NALF1: variants seen among roughly 807,000 people sequenced by gnomAD.
NALF1 encodes the protein family with sequence similarity 155 member A.
Under a neutral mutation model 48.4 loss-of-function variants are expected in NALF1, and 3 were observed. The observed-to-expected ratio is 0.06, with a 90% CI of 0.03 to 0.16. The LOEUF (loss-of-function observed/expected upper bound fraction) is 0.16. Among genes scored for constraint, NALF1 ranks in the 10% least tolerant of loss-of-function variants. The pLI, the probability that NALF1 is intolerant of heterozygous loss-of-function variation, is 1.00. For missense variants in NALF1, 526 were observed against 571.5 expected (o/e 0.92, Z 0.81); for synonymous variants, 262 against 245.7 (o/e 1.07, Z -0.62).
chr13:107,574,152 G>A (rs1250538443), intron 1 of NALF1, among the ~76,000 whole-genome samples: 2 of 152,156 alleles, frequency 1.3e-5, no homozygotes, highest in Non-Finnish European at 2.9e-5. Flanking sequence ...GCAAATATAT[G>A]AGATGAAAGA....
In NALF1 at chr13:107,168,153, T is replaced by A. The variant is rs954215323; in HGVS notation, c.*2344A>T. On this transcript the variant is annotated 3_prime_UTR_variant, in exon 3 of 3. Coordinates refer to ENST00000375915, the MANE Select transcript of NALF1 (RefSeq NM_001080396.3). ...GTGGCCTTACCACAGCAGAGGTAGA[T>A]AAAGGTCAGAACAGACTCCTTCCTA... is the stretch of plus-strand genomic sequence containing the variant. 1.3e-5 allele frequency: 2 copies of A among 152,218 alleles called. No individual in the cohort carries two copies. The highest frequency in any genetic ancestry group is 2.9e-5 in the Non-Finnish European group (2 of 68,052). 9.4% of individuals were successfully genotyped at this position (152,218 alleles called of 1,614,324 possible). A position where few individuals can be genotyped will look rare whatever the true frequency, so the allele number is the denominator to read the frequency against.
chr13:107,275,735 T>G (rs1332990557), intron 1 of NALF1, among the ~76,000 whole-genome samples: 1 of 152,216 alleles, frequency 6.6e-6, no homozygotes, highest in Non-Finnish European at 1.5e-5. Flanking sequence ...TGGGACATAC[T>G]CAAACTTTTA....
chr13:107,654,838 T>G (rs9559120), intron 1 of NALF1, among the ~76,000 whole-genome samples: 41,990 of 152,082 alleles, frequency 0.28, 6,667 homozygotes, highest in East Asian at 0.52. Flanking sequence ...GCAGGAATGG[T>G]TTAACACACC....
At chr13:107,304,620 C>T (rs566317771) in intron 1 of NALF1, among the ~76,000 whole-genome samples, 2 of 152,174 alleles carry the variant, frequency 1.3e-5, no homozygotes, top group Non-Finnish European at 2.9e-5. Flanking sequence ...CCTAGTCTAC[C>T]GCTTCTTAAA....
At chr13:107,688,213 G>A (rs1881483163) in intron 1 of NALF1, among the ~76,000 whole-genome samples, 1 of 152,108 alleles carries the variant, frequency 6.6e-6, no homozygotes, top group Non-Finnish European at 1.5e-5. Context: ...TGAAGGTGGA[G>A]GCTCAGAATA....
chr13:107,734,106 T>C (rs1486311307), intron 1 of NALF1, among the ~76,000 whole-genome samples: 1 of 152,170 alleles, frequency 6.6e-6, no homozygotes, highest in Non-Finnish European at 1.5e-5. Context: ...TACGGTGTTA[T>C]GACGGCTATG....
intron 1 of NALF1, among the ~76,000 whole-genome samples, chr13:107,721,282 C>T (rs1875978602): frequency 6.6e-6 from 1 of 152,044 alleles, no homozygotes; most frequent in Admixed American, 6.6e-5. Context: ...TCCTAGGGGA[C>T]AAAAACATCA....
chr13:107,700,854 G>A (rs1398304458), intron 1 of NALF1, among the ~76,000 whole-genome samples: 1 of 151,998 alleles, frequency 6.6e-6, no homozygotes, highest in Admixed American at 6.6e-5. Flanking sequence ...TTTCTCCAAA[G>A]GAAACATAAC....
intron 1 of NALF1, among the ~76,000 whole-genome samples, chr13:107,425,615 T>C (rs745470962): frequency 1.3e-5 from 2 of 152,154 alleles, no homozygotes; most frequent in Non-Finnish European, 2.9e-5. Flanking sequence ...TGGATATCTG[T>C]ATATTACGAT....
intron 1 of NALF1, among the ~76,000 whole-genome samples, chr13:107,375,228 T>C (rs987525710): frequency 1.6e-4 from 25 of 152,154 alleles, no homozygotes; most frequent in African/African-American, 5.8e-4. Context: ...ATATGTATTA[T>C]GTGTTTAGCT....
At chr13:107,655,483 C>T (rs746881218) in intron 1 of NALF1, among the ~76,000 whole-genome samples, 2 of 151,994 alleles carry the variant, frequency 1.3e-5, no homozygotes, top group Non-Finnish European at 2.9e-5. Context: ...AGGAAAACTA[C>T]AAAACACTGC....
At chr13:107,599,181 G>C (rs1320507790) in intron 1 of NALF1, among the ~76,000 whole-genome samples, 2 of 152,080 alleles carry the variant, frequency 1.3e-5, no homozygotes, top group African/African-American at 4.8e-5. Context: ...ATTATATTGG[G>C]AGGCCGAGGC....
At chr13:107,711,336 G>A (rs4772912) in intron 1 of NALF1, among the ~76,000 whole-genome samples, 123,903 of 151,598 alleles carry the variant, frequency 0.82, 51,059 homozygotes, top group East Asian at 0.93. Flanking sequence ...TTGTTTGTTT[G>A]TTTATTTATT....
chr13:107,737,925 C>A (rs1221271744), intron 1 of NALF1, among the ~76,000 whole-genome samples: 4 of 152,120 alleles, frequency 2.6e-5, no homozygotes, highest in Non-Finnish European at 5.9e-5. Flanking sequence ...GGTATTAAAA[C>A]ATGTGAAATC....
chr13:107,637,077 T>C (rs1398466007), intron 1 of NALF1, among the ~76,000 whole-genome samples: 1 of 151,854 alleles, frequency 6.6e-6, no homozygotes, highest in Non-Finnish European at 1.5e-5. Context: ...ATTTGCAGCC[T>C]AGGAGCATTA....
chr13:107,264,604 G>A lies in NALF1; in HGVS notation c.916-53849C>T, dbSNP rs143308860. Among the ~76,000 whole-genome samples, 773 of 152,270 alleles carry A rather than the reference G, an allele frequency of 5.1e-3. 5 individuals carry two copies. Among genetic ancestry groups the A allele is most frequent in the African/African-American group, 0.017 (727 of 41,560 alleles). ...AGTGCCCTTTGCAGCAACCTTCACC[G>A]CAACCCAACATCAGTTTCGACCCCT... On this transcript the variant is annotated intron_variant, in intron 1 of 2. Coordinates refer to ENST00000375915, the MANE Select transcript of NALF1 (RefSeq NM_001080396.3).
At chr13:107,525,686 A>G (rs1876408244) in intron 1 of NALF1, among the ~76,000 whole-genome samples, 2 of 152,110 alleles carry the variant, frequency 1.3e-5, no homozygotes, top group African/African-American at 4.8e-5. Flanking sequence ...TAAGAAATTG[A>G]CAATCTGTTT....
At chr13:107,684,042 A>C (rs1881369223) in intron 1 of NALF1, among the ~76,000 whole-genome samples, 1 of 152,016 alleles carries the variant, frequency 6.6e-6, no homozygotes, top group South Asian at 2.1e-4. Context: ...TGCCCAGAGC[A>C]CTCCGGATTC....
rs571794398 is a variant in NALF1 at position 107,647,708 on chromosome 13, A to G, written c.915+217974T>C. On this transcript the variant is annotated intron_variant, in intron 1 of 2. Transcript: ENST00000375915. ...AATTTGTCATAAATAAATAGAGGAGAAAAATGTAAAAAGGAATTACTTTAA... is the reference window on the plus strand; with the variant it reads ...AATTTGTCATAAATAAATAGAGGAGGAAAATGTAAAAAGGAATTACTTTAA... 8.5e-5 allele frequency among the ~76,000 whole-genome samples: 13 copies of G among 152,190 alleles called. No individual in the cohort carries two copies. In the South Asian group the frequency reaches 2.7e-3, roughly 31 times the overall value.
Sources: allele counts gnomAD v4.1 joint callset (sites outside exome capture counted in the v4.1 genomes callset), GRCh38; gene constraint gnomAD v4.1.1; transcripts MANE v1.5; gene names NCBI Gene and HGNC (gene_info 2026-07-23, HGNC 2026-07-21).